The following RPH3A variants were observed in gnomAD, a reference collection of about 807,000 sequenced individuals.
The protein encoded by RPH3A is rabphilin-3A.
A neutral mutation model predicts 102.2 loss-of-function variants in RPH3A; 48 were observed. The observed-to-expected ratio is 0.47, with a 90% confidence interval of 0.37 to 0.60. RPH3A has a LOEUF of 0.60. Ranked by LOEUF, RPH3A falls within the 20% of genes least tolerant of loss-of-function variation. RPH3A has a pLI of 0.00. For synonymous variants in RPH3A, 310 were observed against 324.3 expected (o/e 0.96, Z 0.47); for missense variants, 781 against 910.1 (o/e 0.86, Z 1.83).
rs553880831 is a variant in RPH3A at position 112,731,355 on chromosome 12, A to G, written c.-139-60788A>G. The stretch of plus-strand genomic sequence containing the variant: ...TATGTGGTATGTTAGGCAGTCCAGA[A>G]GTGACAATCATTTTATACATCCTTC... On this transcript the variant is annotated intron_variant, in intron 1 of 21. Coordinates refer to the RPH3A transcript ENST00000543106. 2.6e-5 allele frequency among the ~76,000 whole-genome samples: 4 copies of G among 152,310 alleles called. No homozygotes were observed. In the South Asian group the frequency reaches 8.3e-4, roughly 32 times the overall value.
chr12:112,823,748 C>T (rs1383554981), intron 2 of RPH3A, among the ~76,000 whole-genome samples: 1 of 152,100 alleles, frequency 6.6e-6, no homozygotes, highest in Non-Finnish European at 1.5e-5. Flanking sequence ...ACGATGGTTT[C>T]TCTGTAGTGA....
intron 2 of RPH3A, among the ~76,000 whole-genome samples, chr12:112,826,851 G>A (rs1277688610): frequency 1.3e-5 from 2 of 152,098 alleles, no homozygotes; most frequent in Non-Finnish European, 2.9e-5. Flanking sequence ...ATAGGCATTT[G>A]GATTGTTCCT....
intron 4 of RPH3A, among the ~76,000 whole-genome samples, chr12:112,844,576 C>T (rs1370894969): frequency 6.6e-6 from 1 of 152,198 alleles, no homozygotes; most frequent in African/African-American, 2.4e-5. Context: ...GCCCAGCCTC[C>T]TGACCCCTAG....
intron 1 of RPH3A, among the ~76,000 whole-genome samples, chr12:112,640,959 G>C (rs1172213910): frequency 6.6e-6 from 1 of 152,154 alleles, no homozygotes; most frequent in Non-Finnish European, 1.5e-5. Flanking sequence ...TAGGACATTT[G>C]TGTGTCTGGG....
chr12:112,805,293 A>G lies in RPH3A; in HGVS notation c.-19+13030A>G, dbSNP rs193139482. 2.6e-5 allele frequency among the ~76,000 whole-genome samples: 4 copies of G among 152,048 alleles called. No individual in the cohort carries two copies. In the East Asian group the frequency reaches 7.7e-4, roughly 29 times the overall value. ...AGTCATGAACCTTAGTGGTTATAACATTTAGTGTGTGTACGAATCTTCTGG... is the reference window on the plus strand; with the variant it reads ...AGTCATGAACCTTAGTGGTTATAACGTTTAGTGTGTGTACGAATCTTCTGG... On this transcript the variant is annotated intron_variant, in intron 2 of 21. Coordinates refer to ENST00000389385, the MANE Select transcript of RPH3A (RefSeq NM_001143854.2).
chr12:112,882,070 C>G (rs1483595131), intron 15 of RPH3A, among the ~76,000 whole-genome samples: 1 of 152,202 alleles, frequency 6.6e-6, no homozygotes, highest in Non-Finnish European at 1.5e-5. Flanking sequence ...AACCTGGGAT[C>G]TGGGCAGCTG....
chr12:112,688,966 A>C (rs1310643554), intron 1 of RPH3A, among the ~76,000 whole-genome samples: 1 of 152,224 alleles, frequency 6.6e-6, no homozygotes, highest in Non-Finnish European at 1.5e-5. Flanking sequence ...ACACTTACTA[A>C]GAAAGACTAA....
intron 14 of RPH3A, among the ~76,000 whole-genome samples, chr12:112,880,170 A>G (rs1162658036): frequency 6.6e-6 from 1 of 152,198 alleles, no homozygotes; most frequent in Non-Finnish European, 1.5e-5. Context: ...CCAATTATGT[A>G]TCAGCATTTA....
intron 1 of RPH3A, among the ~76,000 whole-genome samples, chr12:112,699,415 G>A (rs1037171139): frequency 6.6e-6 from 1 of 152,118 alleles, no homozygotes; most frequent in Non-Finnish European, 1.5e-5. Context: ...ACATAAATTC[G>A]GATATATTCA....
At chr12:112,790,262 T>A (rs1161835827), upstream of RPH3A, among the ~76,000 whole-genome samples, 1 of 152,212 alleles carries the variant, frequency 6.6e-6, no homozygotes, top group East Asian at 1.9e-4. Context: ...TTCACCATGT[T>A]GGCCAGGCTG....
At chr12:112,669,213 G>A (rs1441108155) in intron 1 of RPH3A, among the ~76,000 whole-genome samples, 3 of 152,192 alleles carry the variant, frequency 2.0e-5, no homozygotes, top group African/African-American at 4.8e-5. Context: ...ACAAAGGGCC[G>A]TATGAACTAG....
At chr12:112,866,929 C>G (rs1290901921) in intron 7 of RPH3A, 89 bp downstream of exon 7, 5 of 941,448 alleles carry the variant, frequency 5.3e-6, no homozygotes, top group Non-Finnish European at 8.4e-6. Context: ...ATGAAAGGAC[C>G]CAGCTCAGCA....
chr12:112,691,464 T>C (rs184876847), intron 1 of RPH3A, among the ~76,000 whole-genome samples: 55 of 152,386 alleles, frequency 3.6e-4, no homozygotes, highest in Non-Finnish European at 3.4e-4. Context: ...AACTTGCTTT[T>C]ATTTTTACTT....
intron 5 of RPH3A, among the ~76,000 whole-genome samples, chr12:112,861,043 G>C (rs959534398): frequency 1.3e-5 from 2 of 152,130 alleles, no homozygotes; most frequent in Non-Finnish European, 2.9e-5. Flanking sequence ...TAATTCAACA[G>C]TCCAAACAAA....
chr12:112,833,271 C>A (rs1160657364), intron 3 of RPH3A, among the ~76,000 whole-genome samples: 2 of 152,202 alleles, frequency 1.3e-5, no homozygotes, highest in Non-Finnish European at 2.9e-5. Flanking sequence ...CATTTCTTCC[C>A]AGCTCTTCGT....
chr12:112,739,011 GA>G (rs2040688650), intron 1 of RPH3A, among the ~76,000 whole-genome samples: 1 of 152,158 alleles, frequency 6.6e-6, no homozygotes, highest in African/African-American at 2.4e-5. Context: ...GACTTTGCAG[GA>G]TCTCCAGGTA....
At chr12:112,712,607 G>A (rs533788657) in intron 1 of RPH3A, among the ~76,000 whole-genome samples, 1 of 151,950 alleles carries the variant, frequency 6.6e-6, no homozygotes, top group Admixed American at 6.6e-5. Flanking sequence ...CTCATGCCCC[G>A]ACCAGAGGTA....
Position 112,898,532 on chromosome 12 carries a change from C to G in RPH3A, c.*1752C>G, listed in dbSNP as rs1253479465. The G allele has an allele frequency of 6.6e-6, 1 of 152,398 alleles. No homozygotes were observed. The highest frequency in any genetic ancestry group is 1.5e-5 in the Non-Finnish European group (1 of 68,158). The allele number at this position is 152,398 out of a possible 1,614,324, so 9.4% of individuals were successfully genotyped here. On this transcript the variant is annotated 3_prime_UTR_variant, in exon 22 of 22. Coordinates refer to ENST00000389385, the MANE Select transcript of RPH3A (RefSeq NM_001143854.2). ...ATAACCATTTTCTAAACATCGAGCT[C>G]TTCACCTTCCCCAAGGTGGCCAACA...
intron 5 of RPH3A, 48 bp downstream of exon 5, chr12:112,847,890 G>A (rs757416624): frequency 2.8e-5 from 45 of 1,597,356 alleles, no homozygotes; most frequent in Non-Finnish European, 3.8e-5. Context: ...GTGGCAGGAG[G>A]GTGTGCTGGG....
Sources: gnomAD v4.1 joint callset for allele counts (sites outside exome capture counted in the v4.1 genomes callset) on GRCh38, gnomAD v4.1.1 for gene constraint, MANE v1.5 for transcripts, NCBI Gene and HGNC (gene_info 2026-07-23, HGNC 2026-07-21) for gene names.